The following NELL1 variants were observed in gnomAD, a reference collection of about 807,000 sequenced individuals.
NELL1 encodes the protein neural EGFL like 1.
Under a neutral mutation model 107.4 loss-of-function variants are expected in NELL1, and 76 were observed. The observed-to-expected ratio is 0.71, with a 90% CI of 0.59 to 0.86. The LOEUF is 0.86. Among genes scored for constraint, NELL1 ranks in the 40% least tolerant of loss-of-function variants. The pLI, the probability that NELL1 is intolerant of heterozygous loss-of-function variation, is 0.00. For missense variants in NELL1, 1,024 were observed against 1,005.5 expected (o/e 1.02, Z -0.25); for synonymous variants, 353 against 341.2 (o/e 1.03, Z -0.38).
At chr11:20,713,487 G>A (rs922733332) in intron 2 of NELL1, among the ~76,000 whole-genome samples, 9 of 152,200 alleles carry the variant, frequency 5.9e-5, no homozygotes, top group Middle Eastern at 3.4e-3. Flanking sequence ...CAACACCCAC[G>A]CAGTTGGTGA....
chr11:21,122,280 A>C (rs1022389905), intron 13 of NELL1, among the ~76,000 whole-genome samples: 1 of 152,172 alleles, frequency 6.6e-6, no homozygotes, highest in African/African-American at 2.4e-5. Context: ...TCAGAATCAC[A>C]ATAAGGCTTT....
At chr11:20,921,451 G>A (rs536277443) in intron 7 of NELL1, among the ~76,000 whole-genome samples, 3 of 152,254 alleles carry the variant, frequency 2.0e-5, no homozygotes, top group East Asian at 3.9e-4. Context: ...GTAGATGGCA[G>A]AGCTGGGACC....
intron 15 of NELL1, among the ~76,000 whole-genome samples, chr11:21,442,720 G>A (rs906101464): frequency 2.0e-5 from 3 of 152,066 alleles, no homozygotes; most frequent in Non-Finnish European, 4.4e-5. Flanking sequence ...GTCAGCACAG[G>A]AATGAAAGAG....
At chr11:21,236,165 G>C (rs1209212275) in intron 14 of NELL1, among the ~76,000 whole-genome samples, 1 of 152,034 alleles carries the variant, frequency 6.6e-6, no homozygotes, top group Non-Finnish European at 1.5e-5. Flanking sequence ...ATCCCTCACA[G>C]TCCAGCTCAA....
intron 15 of NELL1, among the ~76,000 whole-genome samples, chr11:21,406,637 A>G (rs931622227): frequency 1.3e-5 from 2 of 151,956 alleles, no homozygotes; most frequent in African/African-American, 4.8e-5. Flanking sequence ...TGTATCTCCT[A>G]TTTCTGTTAG....
chr11:20,909,897 C>T (rs7117520), intron 5 of NELL1, among the ~76,000 whole-genome samples: 7,103 of 152,176 alleles, frequency 0.047, 533 homozygotes, highest in African/African-American at 0.16. Context: ...TTTCCTGGAG[C>T]ACCCTCTCTT....
At chr11:21,413,790 C>T (rs1187501924) in intron 15 of NELL1, among the ~76,000 whole-genome samples, 1 of 152,068 alleles carries the variant, frequency 6.6e-6, no homozygotes, top group African/African-American at 2.4e-5. Flanking sequence ...AAGATCTCAA[C>T]ATTAATTTCA....
At chr11:21,103,683 T>C (rs1341886986) in intron 12 of NELL1, among the ~76,000 whole-genome samples, 2 of 152,216 alleles carry the variant, frequency 1.3e-5, no homozygotes, top group African/African-American at 4.8e-5. Flanking sequence ...ACATCTTGTT[T>C]ACTCTTGACT....
chr11:20,858,652 G>T (rs1848924497), intron 4 of NELL1, among the ~76,000 whole-genome samples: 1 of 152,150 alleles, frequency 6.6e-6, no homozygotes, highest in Non-Finnish European at 1.5e-5. Context: ...AAGGCAGAGG[G>T]AACAGAAAAC....
intron 15 of NELL1, among the ~76,000 whole-genome samples, chr11:21,400,849 G>C (rs1162058923): frequency 6.6e-6 from 1 of 151,818 alleles, no homozygotes; most frequent in Non-Finnish European, 1.5e-5. Flanking sequence ...ACAGCTCATT[G>C]CCAGGGTGCC....
chr11:21,112,994 G>C (rs1025723832), intron 12 of NELL1, among the ~76,000 whole-genome samples: 4 of 152,092 alleles, frequency 2.6e-5, no homozygotes, highest in Middle Eastern at 3.4e-3. Context: ...AAAAGAACAA[G>C]ACTTTTTGTT....
At chr11:21,177,456 G>A (rs1434622173) in intron 13 of NELL1, among the ~76,000 whole-genome samples, 1 of 151,664 alleles carries the variant, frequency 6.6e-6, no homozygotes, top group Non-Finnish European at 1.5e-5. Flanking sequence ...CTTGTTTAAG[G>A]CCGAAGAGTA....
Position 21,044,709 on chromosome 11 carries a change from A to C in NELL1, c.1301-68880A>C, listed in dbSNP as rs540635295. On this transcript the variant is annotated intron_variant, in intron 12 of 19. Coordinates refer to ENST00000357134, the MANE Select transcript of NELL1 (RefSeq NM_006157.5). The stretch of plus-strand genomic sequence containing the variant: ...GACATGCCTTTTTTTCTTAACAAGA[A>C]GTAAAAGATGGATGCAGGTAGGAGT... Among the ~76,000 whole-genome samples, 11 of 152,284 alleles carry C rather than the reference A, an allele frequency of 7.2e-5. No homozygotes were observed. In the South Asian group the frequency reaches 2.3e-3, roughly 32 times the overall value.
intron 1 of NELL1, among the ~76,000 whole-genome samples, chr11:20,672,970 GCCCCCC>G (rs10592573): frequency 0.09 from 9,050 of 100,920 alleles, 1,273 homozygotes; most frequent in Middle Eastern, 0.13. Flanking sequence ...TCCTGCCTCA[GCCCCCC>G]CCCCCCCCCC....
intron 14 of NELL1, among the ~76,000 whole-genome samples, chr11:21,288,547 T>C (rs2133956495): frequency 6.6e-6 from 1 of 152,330 alleles, no homozygotes; most frequent in Middle Eastern, 3.4e-3. Context: ...CTGACATTCA[T>C]CCCAACTCTG....
At chr11:20,760,965 C>T (rs552138122) in intron 2 of NELL1, among the ~76,000 whole-genome samples, 1 of 152,190 alleles carries the variant, frequency 6.6e-6, no homozygotes, top group South Asian at 2.1e-4. Flanking sequence ...TGCCAAAAGC[C>T]GCTATTGTGT....
intron 14 of NELL1, among the ~76,000 whole-genome samples, chr11:21,246,139 T>C (rs1190779462): frequency 6.6e-6 from 1 of 152,128 alleles, no homozygotes; most frequent in East Asian, 1.9e-4. Flanking sequence ...AGCGTCTATA[T>C]GTCAGGCACT....
intron 15 of NELL1, among the ~76,000 whole-genome samples, chr11:21,402,143 C>A (rs1852112749): frequency 6.6e-6 from 1 of 151,778 alleles, no homozygotes; most frequent in African/African-American, 2.4e-5. Context: ...TGTCAAGAAG[C>A]AGCCATTGTA....
intron 14 of NELL1, among the ~76,000 whole-genome samples, chr11:21,317,990 A>G (rs1254569593): frequency 6.6e-6 from 1 of 152,148 alleles, no homozygotes; most frequent in South Asian, 2.1e-4. Flanking sequence ...CTTATGGGGT[A>G]AGACATGGTG....
Sources: gnomAD v4.1 joint callset for allele counts (sites outside exome capture counted in the v4.1 genomes callset) on GRCh38, gnomAD v4.1.1 for gene constraint, MANE v1.5 for transcripts, NCBI Gene and HGNC (gene_info 2026-07-23, HGNC 2026-07-21) for gene names.